The following ASIC2 variants were observed in gnomAD, a reference collection of about 807,000 sequenced individuals.
ASIC2 encodes the protein acid sensing ion channel subunit 2, also known as acid-sensing ion channel 2.
A neutral mutation model predicts 57.3 loss-of-function variants in ASIC2; 25 were observed. That is an observed-to-expected ratio of 0.44 (90% CI 0.32 to 0.61). The LOEUF is 0.61. ASIC2 is among the 20% of genes least tolerant of loss of function. The pLI, the probability that ASIC2 is intolerant of heterozygous loss-of-function variation, is 0.06. For synonymous variants in ASIC2, 319 were observed against 307.5 expected, an observed-to-expected ratio of 1.04 and a Z score of -0.39; for missense variants, 641 against 738.1, an observed-to-expected ratio of 0.87 and a Z score of 1.52.
At chr17:33,844,889 T>G (rs903653917) in intron 1 of ASIC2, among the ~76,000 whole-genome samples, 2 of 152,222 alleles carry the variant, frequency 1.3e-5, no homozygotes, top group African/African-American at 4.8e-5. Context: ...GGATTTCCAT[T>G]TTTGAGTATC....
chr17:33,748,705 A>G (rs1463208750), intron 1 of ASIC2, among the ~76,000 whole-genome samples: 1 of 152,182 alleles, frequency 6.6e-6, no homozygotes, highest in Non-Finnish European at 1.5e-5. Context: ...TGCCCTCATG[A>G]TCTCTGAGCT....
intron 1 of ASIC2, among the ~76,000 whole-genome samples, chr17:33,472,179 C>G (rs1913075333): frequency 6.6e-6 from 1 of 152,072 alleles, no homozygotes. Context: ...ACCACCATGC[C>G]CAGCTAATTT....
At chr17:33,795,540 G>T (rs1911891381) in intron 1 of ASIC2, among the ~76,000 whole-genome samples, 1 of 152,170 alleles carries the variant, frequency 6.6e-6, no homozygotes, top group Admixed American at 6.5e-5. Context: ...TGGAAAAAAG[G>T]GGTCCCTCCA....
chr17:33,734,926 A>G (rs1338722605), intron 1 of ASIC2, among the ~76,000 whole-genome samples: 1 of 152,198 alleles, frequency 6.6e-6, no homozygotes, highest in Admixed American at 6.5e-5. Context: ...TGGCAACTCA[A>G]GTAGAGAATA....
intron 1 of ASIC2, among the ~76,000 whole-genome samples, chr17:34,012,259 T>C (rs1906796937): frequency 6.6e-6 from 1 of 152,060 alleles, no homozygotes; most frequent in Admixed American, 6.6e-5. Flanking sequence ...ATGCCTCCAA[T>C]TGTAACATGC....
intron 1 of ASIC2, among the ~76,000 whole-genome samples, chr17:34,035,694 C>T (rs1597985722): frequency 6.6e-6 from 1 of 151,994 alleles, no homozygotes; most frequent in East Asian, 1.9e-4. Context: ...AAGAAAAAAA[C>T]AAACAACCCC....
chr17:33,401,073 G>A (rs1038173833), intron 1 of ASIC2, among the ~76,000 whole-genome samples: 3 of 152,244 alleles, frequency 2.0e-5, no homozygotes, highest in South Asian at 4.1e-4. Flanking sequence ...TGACATCGCC[G>A]TCTCAACACT....
intron 1 of ASIC2, among the ~76,000 whole-genome samples, chr17:34,093,360 TTGCCTTTGG>T (rs1432925758): frequency 6.6e-6 from 1 of 152,144 alleles, no homozygotes; most frequent in Non-Finnish European, 1.5e-5. Flanking sequence ...CAACTTGACT[TTGCCTTTGG>T]GAACTTTCCC....
intron 1 of ASIC2, among the ~76,000 whole-genome samples, chr17:33,609,628 A>G (rs1905333006): frequency 6.6e-6 from 1 of 152,200 alleles, no homozygotes; most frequent in Non-Finnish European, 1.5e-5. Flanking sequence ...TGATTTTATC[A>G]TAGCTTGGAG....
intron 1 of ASIC2, among the ~76,000 whole-genome samples, chr17:33,967,931 G>A (rs906099616): frequency 3.3e-5 from 5 of 152,062 alleles, no homozygotes; most frequent in East Asian, 1.9e-4. Flanking sequence ...TTTTCAACTC[G>A]GGGCCTCACA....
At chr17:33,895,090 G>A (rs939482410) in intron 1 of ASIC2, among the ~76,000 whole-genome samples, 3 of 152,034 alleles carry the variant, frequency 2.0e-5, no homozygotes, top group Admixed American at 6.6e-5. Context: ...AGTCACCTAT[G>A]CTGTCCAGTC....
At chr17:34,126,731 G>A (rs1327491505) in intron 1 of ASIC2, among the ~76,000 whole-genome samples, 1 of 152,186 alleles carries the variant, frequency 6.6e-6, no homozygotes, top group African/African-American at 2.4e-5. Context: ...GATGGAGGTG[G>A]ATGGGACCAC....
intron 3 of ASIC2, among the ~76,000 whole-genome samples, chr17:33,029,575 A>T (rs1189880280): frequency 6.6e-6 from 1 of 152,228 alleles, no homozygotes; most frequent in Non-Finnish European, 1.5e-5. Context: ...GGTAATCATG[A>T]AAAAACTCCT....
At chr17:33,036,742 C>T (rs1048141564) in intron 3 of ASIC2, among the ~76,000 whole-genome samples, 1 of 152,146 alleles carries the variant, frequency 6.6e-6, no homozygotes, top group Non-Finnish European at 1.5e-5. Context: ...CCTGTTCTTC[C>T]TTTCCCATGA....
intron 1 of ASIC2, among the ~76,000 whole-genome samples, chr17:33,389,323 T>A (rs939505201): frequency 1.3e-5 from 2 of 152,166 alleles, no homozygotes; most frequent in Non-Finnish European, 1.5e-5. Flanking sequence ...TTACAGCTCA[T>A]TGACTGCAAC....
At chr17:33,430,793 T>C (rs1911385252) in intron 1 of ASIC2, among the ~76,000 whole-genome samples, 1 of 152,212 alleles carries the variant, frequency 6.6e-6, no homozygotes, top group Non-Finnish European at 1.5e-5. Flanking sequence ...ATAGATTAGA[T>C]GAAGGCAGTA....
intron 3 of ASIC2, among the ~76,000 whole-genome samples, chr17:33,087,393 G>A (rs1598269269): frequency 6.6e-6 from 1 of 151,978 alleles, no homozygotes; most frequent in African/African-American, 2.4e-5. Context: ...TAACCTTCCA[G>A]CACCTCCTGC....
At chr17:33,216,260 A>T (rs1907483680) in intron 1 of ASIC2, among the ~76,000 whole-genome samples, 1 of 152,182 alleles carries the variant, frequency 6.6e-6, no homozygotes, top group Admixed American at 6.5e-5. Context: ...ATATGTCATG[A>T]TGTCTAAGCA....
intron 1 of ASIC2, among the ~76,000 whole-genome samples, chr17:33,742,037 A>G (rs1360563181): frequency 6.6e-6 from 1 of 152,192 alleles, no homozygotes; most frequent in Non-Finnish European, 1.5e-5. Context: ...GTGCCAGATG[A>G]TCACCAGAAA....
Sources: allele counts gnomAD v4.1 joint callset (sites outside exome capture counted in the v4.1 genomes callset), GRCh38; gene constraint gnomAD v4.1.1; transcripts MANE v1.5; gene names NCBI Gene and HGNC (gene_info 2026-07-23, HGNC 2026-07-21).